BLTP3A: variants seen among roughly 807,000 people sequenced by gnomAD.
The protein encoded by BLTP3A is bridge-like lipid transfer protein family member 3A.
chr6:34,857,165 A>G, the BLTP3A span, among the ~76,000 whole-genome samples: 3 of 152,338 alleles, frequency 2.0e-5, no homozygotes, highest in East Asian at 3.9e-4. Context: ...TAACTCGCGT[A>G]TAGTGCGAGG....
At chr6:34,851,066 T>A in the BLTP3A span, among the ~76,000 whole-genome samples, 1 of 152,128 alleles carries the variant, frequency 6.6e-6, no homozygotes, top group Non-Finnish European at 1.5e-5. Context: ...ATTTTTTCTC[T>A]GTGTTATCTT....
At chr6:34,816,376 G>A in the BLTP3A span, among the ~76,000 whole-genome samples, 1 of 123,642 alleles carries the variant, frequency 8.1e-6, no homozygotes, top group African/African-American at 4.0e-5. Flanking sequence ...AGGCTGAGGT[G>A]GGAGGATTGC....
chr6:34,857,681 T>C, the BLTP3A span: 2 of 1,579,756 alleles, frequency 1.3e-6, no homozygotes, highest in South Asian at 2.3e-5. Context: ...AGCCTAGCTA[T>C]TGCTTTTTAC....
the BLTP3A span, among the ~76,000 whole-genome samples, chr6:34,793,858 G>A: frequency 6.6e-6 from 1 of 151,602 alleles, no homozygotes; most frequent in South Asian, 2.1e-4. Context: ...TTGTTTAAGA[G>A]CCTGGGTTCT....
chr6:34,810,253 C>T, the BLTP3A span, among the ~76,000 whole-genome samples: 1 of 152,180 alleles, frequency 6.6e-6, no homozygotes, highest in Non-Finnish European at 1.5e-5. Context: ...TCAGGGTTTA[C>T]AGTATTGCAC....
chr6:34,856,241 G>A, the BLTP3A span: 1 of 1,612,680 alleles, frequency 6.2e-7, no homozygotes, highest in Non-Finnish European at 8.5e-7. Context: ...TTGCACAGGT[G>A]ATAGCTGCAA....
chr6:34,829,378 A>C, the BLTP3A span, among the ~76,000 whole-genome samples: 1 of 152,188 alleles, frequency 6.6e-6, no homozygotes, highest in Admixed American at 6.5e-5. Context: ...TTCACTTAGC[A>C]TAATGTTTTC....
the BLTP3A span, among the ~76,000 whole-genome samples, chr6:34,827,036 G>T: frequency 6.6e-6 from 1 of 152,140 alleles, no homozygotes; most frequent in South Asian, 2.1e-4. Context: ...AAATAGGCCG[G>T]GCTCAGTGGC....
the BLTP3A span, chr6:34,792,373 C>T: frequency 2.8e-5 from 39 of 1,370,146 alleles, no homozygotes; most frequent in Middle Eastern, 1.9e-4. Context: ...CGCCGCGCTC[C>T]GGGCCCAGTC....
chr6:34,876,759 C>T, the BLTP3A span: 3 of 152,098 alleles, frequency 2.0e-5, no homozygotes, highest in African/African-American at 4.8e-5. Flanking sequence ...TACCTTCTGT[C>T]GGAATAGGAT....
the BLTP3A span, among the ~76,000 whole-genome samples, chr6:34,844,048 T>C: frequency 1.3e-5 from 2 of 151,814 alleles, no homozygotes; most frequent in Non-Finnish European, 2.9e-5. Flanking sequence ...TGGCGTGATC[T>C]TTGCTTACTG....
the BLTP3A span, among the ~76,000 whole-genome samples, chr6:34,798,594 C>CTTTTTTTTTTTTTTTTTTTTCTTTT: frequency 1.1e-5 from 1 of 94,498 alleles, no homozygotes; most frequent in Non-Finnish European, 2.0e-5. Flanking sequence ...TTCTTTCTTT[C>CTTTTTTTTTTTTTTTTTTTTCTTTT]TTTTTTTTTT....
the BLTP3A span, among the ~76,000 whole-genome samples, chr6:34,847,033 T>C: frequency 6.6e-6 from 1 of 152,234 alleles, no homozygotes; most frequent in African/African-American, 2.4e-5. Flanking sequence ...ATATTTTTGT[T>C]CTTCATTCTG....
the BLTP3A span, among the ~76,000 whole-genome samples, chr6:34,828,979 A>AT: frequency 4.0e-5 from 5 of 126,362 alleles, no homozygotes; most frequent in African/African-American, 1.6e-4. Context: ...GTGAGCTGAG[A>AT]TTGCACCATT....
At chr6:34,823,202 T>G in the BLTP3A span, 2 of 1,417,916 alleles carry the variant, frequency 1.4e-6, no homozygotes, top group Non-Finnish European at 2.0e-6. Context: ...TGTGCTGTCA[T>G]TGTGCTGTGT....
chr6:34,800,916 A>C, the BLTP3A span, among the ~76,000 whole-genome samples: 1 of 152,018 alleles, frequency 6.6e-6, no homozygotes, highest in African/African-American at 2.4e-5. Flanking sequence ...TTTAGTAGAG[A>C]TGGGGTTTCA....
chr6:34,854,083 A>G, the BLTP3A span, among the ~76,000 whole-genome samples: 1 of 152,012 alleles, frequency 6.6e-6, no homozygotes, highest in Non-Finnish European at 1.5e-5. Context: ...TGAGCCGGAC[A>G]TGGTGGCGCA....
At chr6:34,847,927 T>C in the BLTP3A span, among the ~76,000 whole-genome samples, 51 of 134,054 alleles carry the variant, frequency 3.8e-4, 4 homozygotes, top group East Asian at 8.6e-3. Flanking sequence ...TTTCCTTTTT[T>C]TTTTTTTTTT....
chr6:34,823,484 T>TA, the BLTP3A span: 12 of 643,074 alleles, frequency 1.9e-5, no homozygotes, highest in Non-Finnish European at 3.3e-5. Context: ...AGAACCTCCA[T>TA]ATACCCAAGA....
Sources: allele counts gnomAD v4.1 joint callset (sites outside exome capture counted in the v4.1 genomes callset), GRCh38; gene constraint gnomAD v4.1.1; transcripts MANE v1.5; gene names NCBI Gene and HGNC (gene_info 2026-07-23, HGNC 2026-07-21).